CTNNA3: variants seen among roughly 807,000 people sequenced by gnomAD.
The protein encoded by CTNNA3 is catenin alpha 3.
In CTNNA3, 76 loss-of-function variants were observed where a neutral mutation model predicts 95.7. The observed-to-expected ratio is 0.79, with a 90% CI of 0.66 to 0.96. The LOEUF is 0.96. CTNNA3 is among the 40% of genes least tolerant of loss of function. The pLI, the probability that CTNNA3 is intolerant of heterozygous loss-of-function variation, is 0.00. For missense variants in CTNNA3, 1,191 were observed against 1,089.8 expected (o/e 1.09, Z -1.31); for synonymous variants, 431 against 374.4 (o/e 1.15, Z -1.74).
chr10:67,322,041 A>T (rs1234500794), intron 5 of CTNNA3, among the ~76,000 whole-genome samples: 2 of 152,112 alleles, frequency 1.3e-5, no homozygotes, highest in Non-Finnish European at 2.9e-5. Flanking sequence ...TACACTGACA[A>T]GGTCCTAGTC....
intron 7 of CTNNA3, among the ~76,000 whole-genome samples, chr10:66,924,823 C>T (rs571008963): frequency 1.3e-5 from 2 of 152,184 alleles, no homozygotes; most frequent in Admixed American, 1.3e-4. Flanking sequence ...TTTTTATGCC[C>T]GTTTTGCAGA....
At chr10:67,168,062 G>A (rs968549400) in intron 7 of CTNNA3, among the ~76,000 whole-genome samples, 5 of 152,154 alleles carry the variant, frequency 3.3e-5, no homozygotes, top group African/African-American at 1.2e-4. Flanking sequence ...GCTTGAACTG[G>A]GGGCCAGGGA....
intron 5 of CTNNA3, among the ~76,000 whole-genome samples, chr10:67,294,355 T>C (rs2132477543): frequency 6.6e-6 from 1 of 152,346 alleles, no homozygotes; most frequent in East Asian, 1.9e-4. Flanking sequence ...ATTACATACA[T>C]ACAATCATTC....
intron 5 of CTNNA3, among the ~76,000 whole-genome samples, chr10:67,472,535 T>C (rs796894585): frequency 1.3e-5 from 2 of 152,290 alleles, no homozygotes; most frequent in African/African-American, 4.8e-5. Flanking sequence ...ACAAATGTCA[T>C]GGCAATGCCC....
At chr10:66,526,955 A>ATT (rs971298442) in intron 10 of CTNNA3, among the ~76,000 whole-genome samples, 2 of 150,932 alleles carry the variant, frequency 1.3e-5, no homozygotes, top group African/African-American at 4.9e-5. Flanking sequence ...ATGAAGTCCA[A>ATT]TTTTTTTTTC....
chr10:67,705,046 A>G (rs1205587399), intron 1 of CTNNA3, among the ~76,000 whole-genome samples: 1 of 152,350 alleles, frequency 6.6e-6, no homozygotes, highest in East Asian at 1.9e-4. Context: ...ATCACTGGCC[A>G]TCAGAGAAAT....
At chr10:66,992,695 A>G (rs1851108768) in intron 7 of CTNNA3, among the ~76,000 whole-genome samples, 1 of 152,088 alleles carries the variant, frequency 6.6e-6, no homozygotes, top group Non-Finnish European at 1.5e-5. Flanking sequence ...TGTTGATCAC[A>G]TTTAAGTCTT....
intron 9 of CTNNA3, among the ~76,000 whole-genome samples, chr10:66,710,846 C>T (rs10997333): frequency 0.033 from 5,002 of 151,940 alleles, 210 homozygotes; most frequent in East Asian, 0.22. Context: ...CTTTGTCATG[C>T]GCTTGTTACA....
intron 7 of CTNNA3, among the ~76,000 whole-genome samples, chr10:66,794,384 G>T (rs1265530109): frequency 1.3e-5 from 2 of 152,084 alleles, no homozygotes; most frequent in African/African-American, 4.8e-5. Flanking sequence ...GCATATAAAA[G>T]TTAAGTTTAC....
rs536229236 is a variant in CTNNA3 at position 67,288,826 on chromosome 10, G to A, written c.580-68956C>T. 3.3e-5 allele frequency among the ~76,000 whole-genome samples: 5 copies of A among 152,194 alleles called. No individual in the cohort carries two copies. In the South Asian group the frequency reaches 1.0e-3, roughly 32 times the overall value. On this transcript the variant is annotated intron_variant, in intron 5 of 17. Coordinates refer to ENST00000433211, the MANE Select transcript of CTNNA3 (RefSeq NM_013266.4). ...AGCTTCATTCAGGTACTAAATGATAGGTAAGTTTAGTAGTGTAGTCCTAGC... is the reference window on the plus strand; with the variant it reads ...AGCTTCATTCAGGTACTAAATGATAAGTAAGTTTAGTAGTGTAGTCCTAGC...
Position 66,111,801 on chromosome 10 carries a change from T to G in CTNNA3, c.1885-8552A>C, listed in dbSNP as rs149127616. The stretch of plus-strand genomic sequence containing the variant: ...CGCCAGAAAGCTGGTAGGCTTGTGT[T>G]ACGGTGGGATATTAATGGAACTTGA... On this transcript the variant is annotated intron_variant, in intron 13 of 17. Transcript: ENST00000433211. Among the ~76,000 whole-genome samples the G allele has an allele frequency of 7.2e-4, 109 of 152,298 alleles. 1 individual carries two copies. Among genetic ancestry groups the G allele is most frequent in the African/African-American group, 2.3e-3 (97 of 41,572 alleles).
At chr10:67,652,761 T>A (rs536476421) in intron 1 of CTNNA3, among the ~76,000 whole-genome samples, 2 of 152,320 alleles carry the variant, frequency 1.3e-5, no homozygotes, top group East Asian at 3.9e-4. Context: ...CCTTGCCAAT[T>A]TGACATCATA....
At chr10:66,910,319 T>G (rs1387937905) in intron 7 of CTNNA3, among the ~76,000 whole-genome samples, 2 of 152,144 alleles carry the variant, frequency 1.3e-5, no homozygotes, top group Non-Finnish European at 2.9e-5. Flanking sequence ...AGATGGTAAA[T>G]AATCTTTGTA....
intron 5 of CTNNA3, among the ~76,000 whole-genome samples, chr10:67,308,673 C>G (rs1317683766): frequency 6.6e-6 from 1 of 152,058 alleles, no homozygotes; most frequent in Non-Finnish European, 1.5e-5. Flanking sequence ...GAGGACTGAG[C>G]ATAATATTCA....
intron 7 of CTNNA3, among the ~76,000 whole-genome samples, chr10:67,076,517 T>A (rs1392295905): frequency 6.6e-6 from 1 of 152,244 alleles, no homozygotes; most frequent in Non-Finnish European, 1.5e-5. Flanking sequence ...CAAGCCCTTC[T>A]TCTTATAAAG....
chr10:67,276,802 T>C (rs1839194963), intron 5 of CTNNA3, among the ~76,000 whole-genome samples: 1 of 152,038 alleles, frequency 6.6e-6, no homozygotes, highest in Non-Finnish European at 1.5e-5. Flanking sequence ...CATTACATTA[T>C]TTTTTCTACT....
intron 7 of CTNNA3, among the ~76,000 whole-genome samples, chr10:67,177,370 C>A (rs566968701): frequency 2.6e-5 from 4 of 152,266 alleles, no homozygotes; most frequent in East Asian, 1.9e-4. Context: ...TTTCTCATTG[C>A]GGAACTGCTC....
intron 7 of CTNNA3, among the ~76,000 whole-genome samples, chr10:67,045,520 GA>G (rs1313570537): frequency 6.6e-6 from 1 of 152,100 alleles, no homozygotes; most frequent in Non-Finnish European, 1.5e-5. Flanking sequence ...TGCTACGTAG[GA>G]AACCCCGACC....
chr10:66,032,539 G>A (rs2079470054), intron 15 of CTNNA3, among the ~76,000 whole-genome samples: 1 of 152,016 alleles, frequency 6.6e-6, no homozygotes, highest in South Asian at 2.1e-4. Flanking sequence ...GACAGACATG[G>A]AAAAACTGTA....
Sources: allele counts gnomAD v4.1 joint callset (sites outside exome capture counted in the v4.1 genomes callset), GRCh38; gene constraint gnomAD v4.1.1; transcripts MANE v1.5; gene names NCBI Gene and HGNC (gene_info 2026-07-23, HGNC 2026-07-21).